Variants in TBX20 observed in about 807,000 individuals in gnomAD.
TBX20 encodes the protein T-box transcription factor TBX20.
In TBX20, 8 loss-of-function variants were observed where a neutral mutation model predicts 42.9. That is an observed-to-expected ratio of 0.19 (90% CI 0.11 to 0.34). TBX20 has a LOEUF of 0.34. Ranked by LOEUF, TBX20 falls within the 10% of genes least tolerant of loss-of-function variation. TBX20 has a pLI of 1.00. For synonymous variants in TBX20, 198 were observed against 222.8 expected (o/e 0.89, Z 0.99); for missense variants, 411 against 566.0 (o/e 0.73, Z 2.78).
intron 3 of TBX20, among the ~76,000 whole-genome samples, chr7:35,245,577 TG>T (rs1010376774): frequency 4.6e-5 from 7 of 152,182 alleles, no homozygotes; most frequent in African/African-American, 1.7e-4. Flanking sequence ...AAATATAAGA[TG>T]GAGCAATTTT....
At chr7:35,215,374 C>A (rs1789566099) in intron 6 of TBX20, among the ~76,000 whole-genome samples, 1 of 152,106 alleles carries the variant, frequency 6.6e-6, no homozygotes, top group South Asian at 2.1e-4. Context: ...ATGATGTTTA[C>A]TTTATGTCTA....
chr7:35,209,374 T>G (rs2128710385), intron 6 of TBX20, among the ~76,000 whole-genome samples: 1 of 152,310 alleles, frequency 6.6e-6, no homozygotes, highest in South Asian at 2.1e-4. Flanking sequence ...GTATCTGTTT[T>G]CTCTTGAATG....
At chr7:35,243,596 T>G (rs536053870) in intron 4 of TBX20, among the ~76,000 whole-genome samples, 17 of 152,168 alleles carry the variant, frequency 1.1e-4, no homozygotes, top group African/African-American at 3.6e-4. Context: ...TTCAAGAAAT[T>G]TTAATATAAA....
intron 5 of TBX20, among the ~76,000 whole-genome samples, chr7:35,237,603 T>TC (rs1584353659): frequency 1.6e-5 from 2 of 128,354 alleles, no homozygotes; most frequent in East Asian, 2.1e-4. Flanking sequence ...AAGAGAAAAT[T>TC]TGGGGGAAAG....
chr7:35,249,514 T>C lies in TBX20; in HGVS notation c.380+437A>G, dbSNP rs1301544509. Among the ~76,000 whole-genome samples the C allele has an allele frequency of 6.6e-6, 1 of 152,206 alleles. No homozygotes were observed. The highest frequency in any genetic ancestry group is 1.5e-5 in the Non-Finnish European group (1 of 68,038). On this transcript the variant is annotated intron_variant, in intron 2 of 7. Transcript: ENST00000408931. The surrounding 1 kb of genome is among the most constrained non-coding windows in gnomAD (Gnocchi z 4.3). ...CCGCCCAGGTTTTAATTTTAGTTTT[T>C]AATGGGAGCTGGCAGCTTTTGCAAA...
chr7:35,253,346 T>C lies in TBX20; in HGVS notation c.127+148A>G, dbSNP rs1482883511. 9 of 916,382 alleles carry C rather than the reference T, an allele frequency of 9.8e-6. No individual in the cohort carries two copies. The East Asian group carries it at 1.1e-4, about 11-fold the overall frequency. The allele number at this position is 916,382 out of a possible 1,614,324, so 56.8% of individuals were successfully genotyped here. ...ACAGACTGAAGCCTCCAAAGAAAAC[T>C]TGGACCCAAAAGAAAAAGATCTCCC... On this transcript the variant is annotated intron_variant, in intron 1 of 7. Transcript: ENST00000408931.
In TBX20 at chr7:35,253,722, G is replaced by T; in HGVS notation, c.-102C>A. 3 of 1,498,548 alleles carry T rather than the reference G, an allele frequency of 2.0e-6. No homozygotes were observed. Among genetic ancestry groups the T allele is most frequent in the Non-Finnish European group, 2.7e-6 (3 of 1,115,042 alleles). 92.8% of individuals were successfully genotyped at this position (1,498,548 alleles called of 1,614,324 possible). A position where few individuals can be genotyped will look rare whatever the true frequency, so the allele number is the denominator to read the frequency against. On this transcript the variant is annotated 5_prime_UTR_variant, in exon 1 of 8. Transcript: ENST00000408931. ...CCGAAACACAGCTCAAAGTTTCCGA[G>T]AGCAGTCACAGCGGGGCCAGGGACT... is the stretch of plus-strand genomic sequence containing the variant.
intron 6 of TBX20, among the ~76,000 whole-genome samples, chr7:35,215,538 A>G (rs545591199): frequency 4.6e-4 from 70 of 152,332 alleles, no homozygotes; most frequent in Non-Finnish European, 8.2e-4. Flanking sequence ...ACTATCTTGT[A>G]ATGCTAATTC....
chr7:35,235,675 G>C (rs200802565), intron 5 of TBX20, among the ~76,000 whole-genome samples: 2 of 135,366 alleles, frequency 1.5e-5, no homozygotes, highest in East Asian at 4.6e-4. Flanking sequence ...CTGCTTTTTC[G>C]TGTATTTAAA....
At chr7:35,205,667 T>C (rs1429356047) in intron 6 of TBX20, among the ~76,000 whole-genome samples, 1 of 152,240 alleles carries the variant, frequency 6.6e-6, no homozygotes, top group Non-Finnish European at 1.5e-5. Context: ...ACCTAATTCA[T>C]AGTAAATTTG....
In TBX20 at chr7:35,248,739, G is replaced by A. The variant is rs1172384007; in HGVS notation, c.483C>T (p.Arg161=). ...GCCAGGAGGACCGGTGGTAGGCGTA[G>A]CGGTACCTCTTGTTGTCCACAGGGA... ...DIVPVDNKRY[R]YAYHRSSWLV... Residue 161 remains arginine, a synonymous_variant, in exon 3 of 8, where the codon CGC becomes CGT. Coordinates refer to ENST00000408931, the MANE Select transcript of TBX20 (RefSeq NM_001077653.2). The A allele has an allele frequency of 1.7e-5, 27 of 1,614,170 alleles. No homozygotes were observed. Among genetic ancestry groups the A allele is most frequent in the Non-Finnish European group, 1.9e-5 (22 of 1,180,038 alleles).
At chr7:35,209,258 G>A (rs887224421) in intron 6 of TBX20, among the ~76,000 whole-genome samples, 2 of 152,058 alleles carry the variant, frequency 1.3e-5, no homozygotes, top group Non-Finnish European at 2.9e-5. Context: ...AGGTAGAATT[G>A]TCATTATTTC....
At chr7:35,216,351 A>C (rs1789589683) in intron 6 of TBX20, among the ~76,000 whole-genome samples, 1 of 152,188 alleles carries the variant, frequency 6.6e-6, no homozygotes, top group Non-Finnish European at 1.5e-5. Flanking sequence ...TTGCTGGAGC[A>C]AGTCTGCATA....
Position 35,253,810 on chromosome 7 carries a change from C to T in TBX20, c.-190G>A. 1 of 681,764 alleles carries T rather than the reference C, an allele frequency of 1.5e-6. No individual in the cohort carries two copies. The highest frequency in any genetic ancestry group is 2.4e-6 in the Non-Finnish European group (1 of 418,216). 42.2% of individuals were successfully genotyped at this position (681,764 alleles called of 1,614,324 possible). On this transcript the variant is annotated 5_prime_UTR_variant, in exon 1 of 8. Coordinates refer to ENST00000408931, the MANE Select transcript of TBX20 (RefSeq NM_001077653.2). ...CTGGCCTCTATTCCCCACCGCAAAG[C>T]CCCAGAGCCGCAGAGACTTCGAAGG...
At chr7:35,245,324 G>GTGTGTGTGTT (rs1420190975) in intron 3 of TBX20, among the ~76,000 whole-genome samples, 1 of 151,066 alleles carries the variant, frequency 6.6e-6, no homozygotes, top group East Asian at 1.9e-4. Flanking sequence ...AAAGGGGTGT[G>GTGTGTGTGTT]TGTGTGTGTG....
intron 6 of TBX20, among the ~76,000 whole-genome samples, chr7:35,214,863 A>G (rs974733264): frequency 1.3e-5 from 2 of 152,186 alleles, no homozygotes; most frequent in African/African-American, 4.8e-5. Context: ...ATATCTTGGA[A>G]GATATTTTTT....
At chr7:35,234,124 T>C (rs540483040) in intron 5 of TBX20, among the ~76,000 whole-genome samples, 1 of 152,346 alleles carries the variant, frequency 6.6e-6, no homozygotes, top group Non-Finnish European at 1.5e-5. Context: ...ATATATCTGA[T>C]AAAAAATTCA....
intron 6 of TBX20, among the ~76,000 whole-genome samples, chr7:35,220,134 C>T (rs1234724597): frequency 9.2e-5 from 14 of 152,140 alleles, no homozygotes; most frequent in Non-Finnish European, 2.1e-4. Context: ...CAGCACCAGC[C>T]GGCATGCCAT....
chr7:35,250,668 G>A, intron 1 of TBX20, among the ~76,000 whole-genome samples: 1 of 152,212 alleles, frequency 6.6e-6, no homozygotes, highest in East Asian at 1.9e-4. Context: ...CTCACCTGGA[G>A]AGGAACTTTC....
Sources: gnomAD v4.1 joint callset for allele counts (sites outside exome capture counted in the v4.1 genomes callset) on GRCh38, gnomAD v4.1.1 for gene constraint, Gnocchi (gnomAD v3.1) non-coding constraint, MANE v1.5 for transcripts, NCBI Gene and HGNC (gene_info 2026-07-23, HGNC 2026-07-21) for gene names.